Variants in KCNIP1 observed in about 807,000 individuals in gnomAD.
KCNIP1 encodes the protein potassium voltage-gated channel interacting protein 1, also known as A-type potassium channel modulatory protein KCNIP1.
Under a neutral mutation model 33.0 loss-of-function variants are expected in KCNIP1, and 18 were observed. That is an observed-to-expected ratio of 0.55 (90% CI 0.38 to 0.81). KCNIP1 has a LOEUF of 0.81. Among genes scored for constraint, KCNIP1 ranks in the 30% least tolerant of loss-of-function variants. KCNIP1 has a pLI of 0.00. For synonymous variants in KCNIP1, 93 were observed against 98.3 expected (o/e 0.95, Z 0.32); for missense variants, 238 against 271.6 (o/e 0.88, Z 0.87).
intron 1 of KCNIP1, among the ~76,000 whole-genome samples, chr5:170,355,435 T>A (rs549494703): frequency 4.6e-5 from 7 of 152,126 alleles, no homozygotes; most frequent in African/African-American, 1.7e-4. Flanking sequence ...CCTAAGAGGG[T>A]AATGGGTGTG....
At chr5:170,483,734 C>T (rs1052402426) in intron 1 of KCNIP1, 3 of 152,278 alleles carry the variant, frequency 2.0e-5, no homozygotes, top group Admixed American at 2.0e-4. Flanking sequence ...TCTGTAGATT[C>T]CCAAATAGGT....
chr5:170,439,928 C>T (rs1224475166), intron 1 of KCNIP1, among the ~76,000 whole-genome samples: 2 of 152,176 alleles, frequency 1.3e-5, no homozygotes, highest in Non-Finnish European at 1.5e-5. Context: ...CCACAGGCGG[C>T]CATCCCCGTG....
At position 170,414,764 on chromosome 5, in the gene KCNIP1, T is replaced by C. The variant is rs558295337; in HGVS notation, c.88+60800T>C. On this transcript the variant is annotated intron_variant, in intron 1 of 7. Transcript: ENST00000377360. ...TTGAAAGAAGGAAATCATTACTTGC[T>C]ATCCCTTCTCTATCAAAATCTACTT... Among the ~76,000 whole-genome samples, 14 of 152,404 alleles carry C rather than the reference T, an allele frequency of 9.2e-5. No individual in the cohort carries two copies. In the South Asian group the frequency reaches 2.9e-3, roughly 32 times the overall value.
At chr5:170,621,593 C>G (rs1429597596) in intron 1 of KCNIP1, among the ~76,000 whole-genome samples, 1 of 152,210 alleles carries the variant, frequency 6.6e-6, no homozygotes, top group Non-Finnish European at 1.5e-5. Context: ...TCACTGCAGC[C>G]TTAAACTCCT....
intron 1 of KCNIP1, among the ~76,000 whole-genome samples, chr5:170,380,071 G>A (rs1764179360): frequency 6.6e-6 from 1 of 152,180 alleles, no homozygotes; most frequent in African/African-American, 2.4e-5. Context: ...GGATCCAAAG[G>A]AAAGAAAGAA....
chr5:170,383,802 C>T lies in KCNIP1; in HGVS notation c.88+29838C>T. The T allele has an allele frequency of 2.5e-6, 4 of 1,614,120 alleles. 1 individual carries two copies. The South Asian group carries it at 4.4e-5, about 18-fold the overall frequency. ...TCTTGCCCTTCAGCTCCTCCTGGTC[C>T]CTGATGTTGGTCTCAATCAGGTGGC... On this transcript the variant is annotated intron_variant, in intron 1 of 7. Transcript: ENST00000377360.
intron 1 of KCNIP1, among the ~76,000 whole-genome samples, chr5:170,554,851 C>A (rs773809738): frequency 6.6e-6 from 1 of 152,066 alleles, no homozygotes; most frequent in Non-Finnish European, 1.5e-5. Context: ...CACCCAGAGC[C>A]TGTTAGGAAG....
chr5:170,704,801 G>C (rs900804262), intron 1 of KCNIP1, among the ~76,000 whole-genome samples: 2 of 152,152 alleles, frequency 1.3e-5, no homozygotes, highest in African/African-American at 4.8e-5. Context: ...AAGCAGGATA[G>C]AGCCCCCTCC....
chr5:170,399,138 G>T (rs998371138), intron 1 of KCNIP1, among the ~76,000 whole-genome samples: 1 of 151,714 alleles, frequency 6.6e-6, no homozygotes, highest in Non-Finnish European at 1.5e-5. Flanking sequence ...AGGGCTATTG[G>T]TGTTATCAAT....
intron 6 of KCNIP1, among the ~76,000 whole-genome samples, 188 bp downstream of exon 6, chr5:170,733,092 G>A (rs1201320329): frequency 6.6e-6 from 1 of 152,180 alleles, no homozygotes; most frequent in Non-Finnish European, 1.5e-5. Context: ...TGACAGAAGA[G>A]AACAAGAAAG....
intron 1 of KCNIP1, among the ~76,000 whole-genome samples, chr5:170,443,827 T>G (rs989464949): frequency 1.3e-5 from 2 of 151,322 alleles, no homozygotes; most frequent in Non-Finnish European, 2.9e-5. Flanking sequence ...AGGCGGGGGG[T>G]GCCCACAGGC....
At chr5:170,367,354 A>AAAGAAAG (rs1561586715) in intron 1 of KCNIP1, among the ~76,000 whole-genome samples, 1 of 37,166 alleles carries the variant, frequency 2.7e-5, no homozygotes, top group Non-Finnish European at 5.3e-5. Flanking sequence ...AAAGAAAAAG[A>AAAGAAAG]AAGAAAGAAA....
intron 1 of KCNIP1, among the ~76,000 whole-genome samples, chr5:170,390,517 A>AAAAAAAAAATATATATATATAT: frequency 5.4e-5 from 4 of 74,550 alleles, no homozygotes; most frequent in African/African-American, 1.3e-4. Context: ...AAAAAAAACA[A>AAAAAAAAAATATATATATATAT]ATATATATAT....
chr5:170,416,069 G>A (rs2113416470), intron 1 of KCNIP1, among the ~76,000 whole-genome samples: 1 of 152,206 alleles, frequency 6.6e-6, no homozygotes, highest in African/African-American at 2.4e-5. Context: ...TCAGTTCCAG[G>A]AGTGACAACA....
intron 1 of KCNIP1, among the ~76,000 whole-genome samples, chr5:170,602,365 A>C (rs1758728890): frequency 6.6e-6 from 1 of 152,188 alleles, no homozygotes; most frequent in African/African-American, 2.4e-5. Context: ...ATGCCAGTGG[A>C]GACAGGAACA....
intron 1 of KCNIP1, among the ~76,000 whole-genome samples, chr5:170,528,579 A>G (rs1009826198): frequency 6.6e-6 from 1 of 152,196 alleles, no homozygotes; most frequent in Non-Finnish European, 1.5e-5. Context: ...CCAAGGGCGT[A>G]ATCTTGAAGG....
At chr5:170,731,805 AT>A (rs1195210297) in intron 5 of KCNIP1, among the ~76,000 whole-genome samples, 1 of 89,938 alleles carries the variant, frequency 1.1e-5, no homozygotes, top group East Asian at 6.3e-4. Flanking sequence ...AGGGAAAAAA[AT>A]ATTAGTTGAA....
At chr5:170,478,912 A>T (rs1179820002) in intron 1 of KCNIP1, among the ~76,000 whole-genome samples, 1 of 102,954 alleles carries the variant, frequency 9.7e-6, no homozygotes, top group Non-Finnish European at 2.3e-5. Context: ...AGGAAGATAA[A>T]AAAAAAAAAG....
chr5:170,399,013 G>C (rs1410952869), intron 1 of KCNIP1, among the ~76,000 whole-genome samples: 1 of 152,172 alleles, frequency 6.6e-6, no homozygotes, highest in Non-Finnish European at 1.5e-5. Context: ...CTTTGTTACA[G>C]AGTAGGGCAT....
Sources: allele counts gnomAD v4.1 joint callset (sites outside exome capture counted in the v4.1 genomes callset), GRCh38; gene constraint gnomAD v4.1.1; transcripts MANE v1.5; gene names NCBI Gene and HGNC (gene_info 2026-07-23, HGNC 2026-07-21).